Variants in CENPP observed in about 807,000 individuals in gnomAD.
The protein encoded by CENPP is centromere protein P.
Under a neutral mutation model 35.6 loss-of-function variants are expected in CENPP, and 24 were observed. The ratio of observed to expected loss-of-function variants is 0.67; its 90% CI spans 0.49 to 0.95. CENPP has a LOEUF of 0.95. Among genes scored for constraint, CENPP ranks in the 40% least tolerant of loss-of-function variants. CENPP has a pLI of 0.00. For missense variants in CENPP, 332 were observed against 345.3 expected, an observed-to-expected ratio of 0.96 and a Z score of 0.31; for synonymous variants, 120 against 125.5, an observed-to-expected ratio of 0.96 and a Z score of 0.29.
chr9:92,536,191 A>C, intron 5 of CENPP: 1 of 370,106 alleles, frequency 2.7e-6, no homozygotes, highest in Non-Finnish European at 5.1e-6. Flanking sequence ...TAATCATAAG[A>C]AAAGTAGAAA....
At chr9:92,602,453 A>G (rs979210305) in intron 5 of CENPP, among the ~76,000 whole-genome samples, 1 of 152,152 alleles carries the variant, frequency 6.6e-6, no homozygotes, top group African/African-American at 2.4e-5. Context: ...CACAGGCAGC[A>G]TTTCCATGGG....
At chr9:92,604,595 AGTTTT>A (rs1248621783) in intron 5 of CENPP, among the ~76,000 whole-genome samples, 4 of 151,894 alleles carry the variant, frequency 2.6e-5, no homozygotes, top group South Asian at 2.1e-4. Flanking sequence ...TTATTTAGTT[AGTTTT>A]ATTTATTTTT....
At chr9:92,527,156 G>A (rs1364331424) in intron 5 of CENPP, among the ~76,000 whole-genome samples, 4 of 151,974 alleles carry the variant, frequency 2.6e-5, no homozygotes, top group African/African-American at 4.8e-5. Context: ...CTACAGACCC[G>A]TGCCACCATG....
intron 5 of CENPP, among the ~76,000 whole-genome samples, chr9:92,488,821 T>C (rs983688472): frequency 3.3e-5 from 5 of 152,258 alleles, no homozygotes; most frequent in Non-Finnish European, 7.3e-5. Context: ...GACATTTTAA[T>C]AACATGATGT....
intron 5 of CENPP, among the ~76,000 whole-genome samples, chr9:92,547,037 T>A (rs1228089316): frequency 6.6e-6 from 1 of 152,160 alleles, no homozygotes; most frequent in Admixed American, 6.5e-5. Flanking sequence ...AATACGTATA[T>A]ATTAGCAGAC....
intron 5 of CENPP, among the ~76,000 whole-genome samples, chr9:92,382,759 C>T (rs961695459): frequency 9.9e-5 from 15 of 152,036 alleles, no homozygotes; most frequent in Non-Finnish European, 1.9e-4. Flanking sequence ...AAGAGACTGG[C>T]GTTCTCCACT....
Position 92,390,587 on chromosome 9 carries a change from T to TGTGTGTGTGTGCGCGCGC in CENPP, c.564+10729_564+10730insTGTGTGTGTGCGCGCGCG, listed in dbSNP as rs749697394. ...CAGTGTGTGTGTGTGTGTGTGTGTGTGCGCGCGCGCGTACTTGCGTGTGCA... is the reference window on the plus strand; with the variant it reads ...CAGTGTGTGTGTGTGTGTGTGTGTGTGTGTGTGTGTGCGCGCGCGCGCGCGCGCGTACTTGCGTGTGCA... On this transcript the variant is annotated intron_variant, in intron 5 of 7. Coordinates refer to ENST00000375587, the MANE Select transcript of CENPP (RefSeq NM_001012267.3). Among the ~76,000 whole-genome samples, 32 of 141,912 alleles carry TGTGTGTGTGTGCGCGCGC rather than the reference T, an allele frequency of 2.3e-4. No individual in the cohort carries two copies. In the East Asian group the frequency reaches 2.7e-3, roughly 12 times the overall value. The allele number at this position is 141,912 out of a possible 152,430, so 93.1% of individuals were successfully genotyped here.
intron 5 of CENPP, among the ~76,000 whole-genome samples, chr9:92,397,319 G>T (rs993669986): frequency 4.6e-5 from 7 of 151,990 alleles, no homozygotes; most frequent in South Asian, 2.1e-4. Context: ...AGCACTGGGG[G>T]TTTTTTTGGT....
intron 4 of CENPP, among the ~76,000 whole-genome samples, chr9:92,361,128 C>CTTTATTTATTTATTTATTTATTTATTTA (rs536927713): frequency 4.0e-5 from 6 of 150,478 alleles, no homozygotes; most frequent in Non-Finnish European, 8.9e-5. Context: ...TATTATTTTA[C>CTTTATTTATTTATTTATTTATTTATTTA]TTTATTTATT....
At chr9:92,416,056 G>GTATATA (rs1403964887) in intron 5 of CENPP, among the ~76,000 whole-genome samples, 1 of 83,460 alleles carries the variant, frequency 1.2e-5, no homozygotes, top group African/African-American at 3.3e-5. Flanking sequence ...TTATATATGT[G>GTATATA]TGTATATATA....
chr9:92,619,721 G>A lies in CENPP; in HGVS notation c.*6572G>A. Reference sequence around the variant, plus strand: ...GGGCCACGGTGAGCACGGGCGTCAGGAGGTCGCCCTGTGAGAGCACCTGGG... The same window carrying A: ...GGGCCACGGTGAGCACGGGCGTCAGAAGGTCGCCCTGTGAGAGCACCTGGG... On this transcript the variant is annotated 3_prime_UTR_variant, in exon 8 of 8. Coordinates refer to ENST00000375587, the MANE Select transcript of CENPP (RefSeq NM_001012267.3). 1.5e-6 allele frequency: 1 copy of A among 678,754 alleles called. No homozygotes were observed. Among genetic ancestry groups the A allele is most frequent in the Non-Finnish European group, 2.6e-6 (1 of 387,508 alleles). The allele number at this position is 678,754 out of a possible 1,614,324, so 42.0% of individuals were successfully genotyped here.
rs531486592 is a variant in CENPP at position 92,593,731 on chromosome 9, C to T, written c.565-17583C>T. 9.9e-5 allele frequency among the ~76,000 whole-genome samples: 15 copies of T among 152,226 alleles called. No individual in the cohort carries two copies. Among genetic ancestry groups the T allele is most frequent in the East Asian group, 3.9e-4 (2 of 5,186 alleles). On this transcript the variant is annotated intron_variant, in intron 5 of 7. Transcript: ENST00000375587. The surrounding 1 kb of genome is among the most constrained non-coding windows in gnomAD (Gnocchi z 4.1). Reference sequence around the variant, plus strand: ...TGTGGTCTGTGGCCAGACTACAAGGCGAGTGTTATTTTGGGACCCAAATAA... The same window carrying T: ...TGTGGTCTGTGGCCAGACTACAAGGTGAGTGTTATTTTGGGACCCAAATAA...
At chr9:92,568,713 T>C (rs1338300074) in intron 5 of CENPP, among the ~76,000 whole-genome samples, 1 of 152,176 alleles carries the variant, frequency 6.6e-6, no homozygotes, top group Non-Finnish European at 1.5e-5. Flanking sequence ...AGTGTAAAAG[T>C]GTTCCTATTT....
intron 5 of CENPP, among the ~76,000 whole-genome samples, chr9:92,558,945 C>G (rs1192297082): frequency 2.0e-5 from 3 of 152,026 alleles, no homozygotes; most frequent in Non-Finnish European, 4.4e-5. Flanking sequence ...TCACCCAGTT[C>G]CCACGCAAAC....
chr9:92,349,513 C>T (rs1841390665), intron 4 of CENPP, among the ~76,000 whole-genome samples: 1 of 151,478 alleles, frequency 6.6e-6, no homozygotes, highest in Non-Finnish European at 1.5e-5. Flanking sequence ...AAGTGATTCT[C>T]CTGCCTCAGC....
intron 4 of CENPP, among the ~76,000 whole-genome samples, chr9:92,370,073 A>G (rs1365651739): frequency 1.3e-5 from 2 of 152,128 alleles, no homozygotes; most frequent in Non-Finnish European, 2.9e-5. Context: ...AATTGAGATT[A>G]TATGTTTTTT....
intron 5 of CENPP, among the ~76,000 whole-genome samples, chr9:92,555,622 T>G (rs1412939354): frequency 6.6e-6 from 1 of 152,132 alleles, no homozygotes; most frequent in Non-Finnish European, 1.5e-5. Context: ...GCTAGGAAGA[T>G]TGTATTTTTC....
chr9:92,496,379 G>A lies in CENPP; in HGVS notation c.565-114935G>A, dbSNP rs758206748. The stretch of plus-strand genomic sequence containing the variant: ...TGATCTTATGCATGAAAATGTGTAA[G>A]ATGGTATTTCTCTAATTTTAATATA... On this transcript the variant is annotated intron_variant, in intron 5 of 7. Coordinates refer to ENST00000375587, the MANE Select transcript of CENPP (RefSeq NM_001012267.3). 6 of 1,608,770 alleles carry A rather than the reference G, an allele frequency of 3.7e-6. No homozygotes were observed. In the South Asian group the frequency reaches 4.5e-5, roughly 12 times the overall value.
At chr9:92,345,391 A>G (rs1458092034) in intron 3 of CENPP, among the ~76,000 whole-genome samples, 2 of 148,460 alleles carry the variant, frequency 1.3e-5, no homozygotes, top group Non-Finnish European at 3.0e-5. Flanking sequence ...TTTGGGGAGA[A>G]TGAGGCAGAA....
Sources: gnomAD v4.1 joint callset for allele counts (sites outside exome capture counted in the v4.1 genomes callset) on GRCh38, gnomAD v4.1.1 for gene constraint, Gnocchi (gnomAD v3.1) non-coding constraint, MANE v1.5 for transcripts, NCBI Gene and HGNC (gene_info 2026-07-23, HGNC 2026-07-21) for gene names.